The following DGKI variants were observed in gnomAD, a reference collection of about 807,000 sequenced individuals.
DGKI encodes diacylglycerol kinase iota.
DGKI carries 55 observed loss-of-function variants against 147.5 expected under a neutral mutation model. The observed-to-expected ratio is 0.37, with a 90% CI of 0.30 to 0.47. The LOEUF is 0.47. Among genes scored for constraint, DGKI ranks in the 20% least tolerant of loss-of-function variants. The pLI is 1.00. For missense variants in DGKI, 1,007 were observed against 1,323.8 expected, an observed-to-expected ratio of 0.76 and a Z score of 3.71; for synonymous variants, 469 against 477.1, an observed-to-expected ratio of 0.98 and a Z score of 0.22.
chr7:137,407,399 G>T (rs547914773), intron 30 of DGKI, among the ~76,000 whole-genome samples: 2 of 152,122 alleles, frequency 1.3e-5, no homozygotes, highest in East Asian at 3.9e-4. Context: ...AGAATAAAGC[G>T]TAACTTGGGT....
chr7:137,514,781 C>T (rs898027303), intron 21 of DGKI, among the ~76,000 whole-genome samples: 1 of 152,212 alleles, frequency 6.6e-6, no homozygotes. Context: ...CTTTAACTCT[C>T]TCATTCCTAT....
chr7:137,471,435 C>T (rs7800546), intron 23 of DGKI, among the ~76,000 whole-genome samples: 6,928 of 152,184 alleles, frequency 0.046, 524 homozygotes, highest in African/African-American at 0.16. Flanking sequence ...ACTGACTTTC[C>T]TGGGAGTTAA....
chr7:137,389,266 A>T lies in DGKI; in HGVS notation c.*1954T>A, dbSNP rs1279548149. 2.6e-5 allele frequency: 4 copies of T among 152,166 alleles called. No individual in the cohort carries two copies. Among genetic ancestry groups the T allele is most frequent in the Non-Finnish European group, 5.9e-5 (4 of 68,030 alleles). 9.4% of individuals were successfully genotyped at this position (152,166 alleles called of 1,614,324 possible). A position where few individuals can be genotyped will look rare whatever the true frequency, so the allele number is the denominator to read the frequency against. The stretch of plus-strand genomic sequence containing the variant: ...CCTGTAATATCCAAAGGATAGTTCC[A>T]TTTCTGAGGCTGATATATGGAAGTA... On this transcript the variant is annotated 3_prime_UTR_variant, in exon 33 of 33. Transcript: ENST00000614521.
At chr7:137,837,548 G>A (rs1036233450) in intron 1 of DGKI, among the ~76,000 whole-genome samples, 3 of 152,184 alleles carry the variant, frequency 2.0e-5, no homozygotes, top group Non-Finnish European at 4.4e-5. Context: ...TAGAAGGTGG[G>A]GCCACTGGGG....
At chr7:137,524,198 T>C (rs1397846106) in intron 20 of DGKI, among the ~76,000 whole-genome samples, 1 of 152,146 alleles carries the variant, frequency 6.6e-6, no homozygotes. Flanking sequence ...GAAGTGTGGC[T>C]ACAACATGCT....
chr7:137,425,384 C>T (rs1403514392), intron 28 of DGKI, among the ~76,000 whole-genome samples: 9 of 152,100 alleles, frequency 5.9e-5, no homozygotes, highest in Non-Finnish European at 1.2e-4. Context: ...ACATCCACAC[C>T]AAAAACCCAT....
At chr7:137,408,220 G>C (rs897345763) in intron 29 of DGKI, among the ~76,000 whole-genome samples, 11 of 152,190 alleles carry the variant, frequency 7.2e-5, no homozygotes, top group Non-Finnish European at 1.5e-4. Flanking sequence ...GTATTGAACA[G>C]GCTAGGGAAA....
At chr7:137,612,647 TGAGA>T (rs1380076495) in intron 8 of DGKI, among the ~76,000 whole-genome samples, 1 of 152,152 alleles carries the variant, frequency 6.6e-6, no homozygotes, top group African/African-American at 2.4e-5. Context: ...TCAGTGTTGT[TGAGA>T]GAGTTAAACA....
chr7:137,606,258 G>A (rs1251514314), intron 10 of DGKI, among the ~76,000 whole-genome samples: 1 of 151,736 alleles, frequency 6.6e-6, no homozygotes, highest in African/African-American at 2.4e-5. Flanking sequence ...TTGCCAGTAG[G>A]TGGCAATATT....
intron 3 of DGKI, among the ~76,000 whole-genome samples, chr7:137,674,820 G>A (rs916491966): frequency 1.3e-5 from 2 of 152,104 alleles, no homozygotes; most frequent in African/African-American, 2.4e-5. Context: ...CCATGAAGCT[G>A]CCTCTGTCTG....
At chr7:137,504,211 G>A (rs1372393810) in intron 21 of DGKI, among the ~76,000 whole-genome samples, 2 of 152,156 alleles carry the variant, frequency 1.3e-5, no homozygotes, top group Admixed American at 6.6e-5. Flanking sequence ...TCAACAAGAT[G>A]TCATTGTGGA....
intron 6 of DGKI, among the ~76,000 whole-genome samples, chr7:137,637,782 CT>C (rs1485392948): frequency 1.3e-5 from 2 of 152,150 alleles, no homozygotes; most frequent in South Asian, 2.1e-4. Context: ...ACATAACATG[CT>C]TTTTCTTTAA....
intron 1 of DGKI, among the ~76,000 whole-genome samples, chr7:137,755,929 A>G (rs923774972): frequency 5.9e-5 from 9 of 152,208 alleles, no homozygotes; most frequent in Admixed American, 4.6e-4. Context: ...TCCAGTTCCT[A>G]ATGGGTAACC....
chr7:137,472,435 C>A (rs78618979), intron 23 of DGKI, among the ~76,000 whole-genome samples: 1 of 24,182 alleles, frequency 4.1e-5, no homozygotes, highest in East Asian at 1.8e-3. Context: ...ATTATATGTA[C>A]ATATACATAT....
intron 1 of DGKI, among the ~76,000 whole-genome samples, chr7:137,810,569 C>A (rs560248301): frequency 1.8e-4 from 27 of 152,206 alleles, no homozygotes; most frequent in African/African-American, 6.3e-4. Context: ...TTGTGTTAGT[C>A]GAGATGAAGT....
At position 137,749,735 on chromosome 7, in the gene DGKI, A is replaced by T. The variant is rs1216563007; in HGVS notation, c.402-59733T>A. 2.6e-5 allele frequency among the ~76,000 whole-genome samples: 4 copies of T among 152,294 alleles called. No individual in the cohort carries two copies. In the East Asian group the frequency reaches 7.7e-4, roughly 29 times the overall value. ...GGTCCCTGAGTTTAATCAAAATTCA[A>T]TTCTGATTCCTCATTGGTTCACATG... On this transcript the variant is annotated intron_variant, in intron 1 of 32. Transcript: ENST00000614521.
intron 1 of DGKI, among the ~76,000 whole-genome samples, chr7:137,824,352 A>G (rs995772913): frequency 6.6e-6 from 1 of 152,026 alleles, no homozygotes; most frequent in East Asian, 1.9e-4. Context: ...CCCCGTCTCT[A>G]CTAAAAATAC....
chr7:137,537,128 A>G (rs1357907873), intron 20 of DGKI, among the ~76,000 whole-genome samples: 1 of 152,186 alleles, frequency 6.6e-6, no homozygotes, highest in Non-Finnish European at 1.5e-5. Flanking sequence ...GAAAGTCAAG[A>G]AACTGTGCAC....
intron 20 of DGKI, among the ~76,000 whole-genome samples, chr7:137,540,568 C>T (rs189195765): frequency 2.0e-5 from 3 of 151,746 alleles, no homozygotes; most frequent in African/African-American, 7.2e-5. Flanking sequence ...GCCTGTAGTC[C>T]CCAGCTACTC....
Sources: gnomAD v4.1 joint callset for allele counts (sites outside exome capture counted in the v4.1 genomes callset) on GRCh38, gnomAD v4.1.1 for gene constraint, MANE v1.5 for transcripts, NCBI Gene and HGNC (gene_info 2026-07-23, HGNC 2026-07-21) for gene names.